HTR1D: variants seen among roughly 807,000 people sequenced by gnomAD.
HTR1D encodes 5-hydroxytryptamine receptor 1D.
In HTR1D, 18 loss-of-function variants were observed where a neutral mutation model predicts 21.1. That is an observed-to-expected ratio of 0.85 (90% CI 0.59 to 1.27). The LOEUF (loss-of-function observed/expected upper bound fraction) is 1.27. Among genes scored for constraint, HTR1D ranks in the 50% most tolerant of loss-of-function variants. HTR1D has a pLI of 0.00. For synonymous variants in HTR1D, 196 were observed against 204.4 expected (o/e 0.96, Z 0.35); for missense variants, 456 against 481.4 (o/e 0.95, Z 0.49).
chr1:23,200,427 G>A (rs1168652708), intron 1 of HTR1D, among the ~76,000 whole-genome samples: 1 of 152,236 alleles, frequency 6.6e-6, no homozygotes, highest in African/African-American at 2.4e-5. Context: ...CTCTGAGCCT[G>A]CACAGCCTCA....
In HTR1D at chr1:23,197,291, T is replaced by C. The variant is rs1644692537; in HGVS notation, c.-782-2290A>G. ...TGTAGCTTTGCAAGAAGTAACACAA[T>C]TGAGAGGCTATCTCCCCTCCTGCCT... On this transcript the variant is annotated intron_variant, in intron 1 of 1. Transcript: ENST00000374619. Among the ~76,000 whole-genome samples, 3 of 151,902 alleles carry C rather than the reference T, an allele frequency of 2.0e-5. No individual in the cohort carries two copies. In the South Asian group the frequency reaches 6.2e-4, roughly 32 times the overall value.
chr1:23,209,279 C>T (rs927920589), intron 1 of HTR1D, among the ~76,000 whole-genome samples: 10 of 152,290 alleles, frequency 6.6e-5, no homozygotes, highest in Admixed American at 6.5e-4. Flanking sequence ...GGATTACAGG[C>T]GTGAGCTACC....
chr1:23,201,513 C>A (rs1388039111), intron 1 of HTR1D, among the ~76,000 whole-genome samples: 1 of 152,170 alleles, frequency 6.6e-6, no homozygotes, highest in African/African-American at 2.4e-5. Flanking sequence ...ACACAGCAGC[C>A]TCTGAGAAAT....
chr1:23,209,609 G>C (rs1195189196), intron 1 of HTR1D, among the ~76,000 whole-genome samples: 2 of 152,124 alleles, frequency 1.3e-5, no homozygotes, highest in African/African-American at 4.8e-5. Flanking sequence ...ACTGTTCTAA[G>C]CTTCTCATGT....
chr1:23,197,653 C>G (rs1569756216), intron 1 of HTR1D, among the ~76,000 whole-genome samples: 1 of 151,016 alleles, frequency 6.6e-6, no homozygotes, highest in East Asian at 2.0e-4. Context: ...ATCCGTGAGG[C>G]AGAGGTTGCA....
chr1:23,215,899 C>T lies in HTR1D; in HGVS notation c.-783+1392G>A, dbSNP rs146272123. 1.1e-3 allele frequency among the ~76,000 whole-genome samples: 160 copies of T among 152,318 alleles called. 1 individual carries two copies. The highest frequency in any genetic ancestry group is 3.5e-3 in the African/African-American group (145 of 41,570). Reference sequence around the variant, plus strand: ...TCAAAGCCTTGGTCTGACAGCAGGGCCCTGAAGTGCTTGTAGAGGTTGTTG... The same window carrying T: ...TCAAAGCCTTGGTCTGACAGCAGGGTCCTGAAGTGCTTGTAGAGGTTGTTG... On this transcript the variant is annotated intron_variant, in intron 1 of 1. Coordinates refer to ENST00000374619, the MANE Select transcript of HTR1D (RefSeq NM_000864.5).
rs140162197 is a variant in HTR1D at position 23,214,259 on chromosome 1, T to C, written c.-783+3032A>G. Reference sequence around the variant, plus strand: ...CAGGGCAACATGGCGAAACCCCATCTCTACAAAAAATACAAAAATTAGCTG... The same window carrying C: ...CAGGGCAACATGGCGAAACCCCATCCCTACAAAAAATACAAAAATTAGCTG... On this transcript the variant is annotated intron_variant, in intron 1 of 1. Coordinates refer to ENST00000374619, the MANE Select transcript of HTR1D (RefSeq NM_000864.5). Among the ~76,000 whole-genome samples, 769 of 152,114 alleles carry C rather than the reference T, an allele frequency of 5.1e-3. 6 individuals are homozygous for C. Among genetic ancestry groups the C allele is most frequent in the African/African-American group, 0.017 (698 of 41,482 alleles).
At position 23,192,154 on chromosome 1, in the gene HTR1D, A is replaced by G. The variant is rs1010241593; in HGVS notation, c.*932T>C. The G allele has an allele frequency of 6.6e-6, 1 of 152,160 alleles. No individual in the cohort carries two copies. Among genetic ancestry groups the G allele is most frequent in the Non-Finnish European group, 1.5e-5 (1 of 68,058 alleles). The allele number at this position is 152,160 out of a possible 1,614,324, so 9.4% of individuals were successfully genotyped here. A position where few individuals can be genotyped will look rare whatever the true frequency, so the allele number is the denominator to read the frequency against. ...AAGAAGGAAGGGTACAGGGTAGTCA[A>G]TCTGGTCCCAACCATCCTACCCCCG... is the stretch of plus-strand genomic sequence containing the variant. On this transcript the variant is annotated 3_prime_UTR_variant, in exon 2 of 2. Transcript: ENST00000374619.
intron 1 of HTR1D, among the ~76,000 whole-genome samples, chr1:23,211,586 C>T (rs1372833804): frequency 6.6e-6 from 1 of 151,906 alleles, no homozygotes; most frequent in African/African-American, 2.4e-5. Flanking sequence ...GAACTCTTCC[C>T]TGCAATACAC....
At chr1:23,208,548 G>A (rs1196437455) in intron 1 of HTR1D, among the ~76,000 whole-genome samples, 1 of 150,976 alleles carries the variant, frequency 6.6e-6, no homozygotes, top group Non-Finnish European at 1.5e-5. Context: ...TCTAGCCTGG[G>A]CAACAAGAGC....
intron 1 of HTR1D, among the ~76,000 whole-genome samples, chr1:23,212,464 C>G (rs996237444): frequency 3.3e-5 from 5 of 152,190 alleles, no homozygotes; most frequent in African/African-American, 1.2e-4. Context: ...ACTTGTCCTC[C>G]TCCTTCTGCC....
chr1:23,209,398 A>C (rs1644744722), intron 1 of HTR1D, among the ~76,000 whole-genome samples: 1 of 151,582 alleles, frequency 6.6e-6, no homozygotes, highest in Non-Finnish European at 1.5e-5. Context: ...GTCCTGCTCT[A>C]GCAGTGGCTC....
At chr1:23,213,565 C>G (rs531578838) in intron 1 of HTR1D, among the ~76,000 whole-genome samples, 3 of 152,196 alleles carry the variant, frequency 2.0e-5, no homozygotes, top group African/African-American at 7.2e-5. Context: ...ATAGGCCAGA[C>G]CTTTCACTCC....
At chr1:23,197,460 G>T (rs2148238819) in intron 1 of HTR1D, among the ~76,000 whole-genome samples, 1 of 152,322 alleles carries the variant, frequency 6.6e-6, no homozygotes, top group African/African-American at 2.4e-5. Flanking sequence ...GCCAGGCGTG[G>T]TGGCTCACAC....
chr1:23,206,328 C>G (rs1000354681), intron 1 of HTR1D, among the ~76,000 whole-genome samples: 1 of 152,166 alleles, frequency 6.6e-6, no homozygotes, highest in Non-Finnish European at 1.5e-5. Context: ...ACGCGCCGGG[C>G]CCAGAATCTT....
chr1:23,215,455 C>G (rs561270606), intron 1 of HTR1D, among the ~76,000 whole-genome samples: 2 of 152,188 alleles, frequency 1.3e-5, no homozygotes, highest in Non-Finnish European at 2.9e-5. Context: ...TGAGTGGTGT[C>G]TGCTGAATTC....
chr1:23,217,299 C>A lies in HTR1D; in HGVS notation c.-791G>T, dbSNP rs1022292352. On this transcript the variant is annotated 5_prime_UTR_variant, in exon 1 of 2. Coordinates refer to ENST00000374619, the MANE Select transcript of HTR1D (RefSeq NM_000864.5). The surrounding 1 kb of genome is among the most constrained non-coding windows in gnomAD (Gnocchi z 4.6). ...CGGCCCCGAGAGCTTACCCGCTGCC[C>A]GGCGGGCAGGTGCGCACACCCGGCG... 1.1e-4 allele frequency among the ~76,000 whole-genome samples: 16 copies of A among 151,746 alleles called. No homozygotes were observed. Among genetic ancestry groups the A allele is most frequent in the Non-Finnish European group, 2.2e-4 (15 of 67,854 alleles).
chr1:23,194,294 A>T lies in HTR1D; in HGVS notation c.-75T>A. On this transcript the variant is annotated 5_prime_UTR_variant, in exon 2 of 2. It introduces an in-frame stop codon into an upstream open reading frame of the 5' UTR. Transcript: ENST00000374619. ...TTCAAGGTTGTCCTGACAACAGAGC[A>T]AAGTCATCCTTCTGCTTCACACTGG... is the stretch of plus-strand genomic sequence containing the variant. 7.3e-7 allele frequency: 1 copy of T among 1,377,786 alleles called. No homozygotes were observed. The highest frequency in any genetic ancestry group is 1.0e-6 in the Non-Finnish European group (1 of 998,372). The allele number at this position is 1,377,786 out of a possible 1,614,324, so 85.3% of individuals were successfully genotyped here.
Position 23,193,236 on chromosome 1 carries a change from C to T in HTR1D, c.984G>A (p.Arg328=), listed in dbSNP as rs1644667151. Reference sequence around the variant, plus strand: ...GCGCCGGGTGGATCCAGCAGGAGTCCCGGCAGATGGGGAGGACCAGAGACA... The same window carrying T: ...GCGCCGGGTGGATCCAGCAGGAGTCTCGGCAGATGGGGAGGACCAGAGACA... ...FVVSLVLPIC[R]DSCWIHPALF... The change falls in exon 2 of 2, where the codon CGG becomes CGA. Residue 328 remains arginine (R), a synonymous_variant. Transcript: ENST00000374619. 6.2e-7 allele frequency: 1 copy of T among 1,613,962 alleles called. No individual in the cohort carries two copies. The highest frequency in any genetic ancestry group is 1.3e-5 in the African/African-American group (1 of 74,954).
Sources: gnomAD v4.1 joint callset for allele counts (sites outside exome capture counted in the v4.1 genomes callset) on GRCh38, gnomAD v4.1.1 for gene constraint, Gnocchi (gnomAD v3.1) non-coding constraint, MANE v1.5 for transcripts, NCBI Gene and HGNC (gene_info 2026-07-23, HGNC 2026-07-21) for gene names.